Variants in ST8SIA6 observed in about 807,000 individuals in gnomAD.
The protein encoded by ST8SIA6 is alpha-2,8-sialyltransferase 8F.
Under a neutral mutation model 33.6 loss-of-function variants are expected in ST8SIA6, and 39 were observed. The observed-to-expected ratio is 1.16, with a 90% CI of 0.90 to 1.52. The LOEUF is 1.52. Among genes scored for constraint, ST8SIA6 ranks in the 40% most tolerant of loss-of-function variants. The pLI is 0.00. For synonymous variants in ST8SIA6, 172 were observed against 167.2 expected (o/e 1.03, Z -0.22); for missense variants, 441 against 443.8 (o/e 0.99, Z 0.06).
intron 4 of ST8SIA6, among the ~76,000 whole-genome samples, chr10:17,338,131 T>C (rs1374063968): frequency 2.7e-5 from 4 of 149,686 alleles, no homozygotes; most frequent in Non-Finnish European, 5.9e-5. Flanking sequence ...ACCTCCCGGG[T>C]TCAATTGATT....
At chr10:17,326,325 T>C (rs1409626147) in intron 6 of ST8SIA6, among the ~76,000 whole-genome samples, 1 of 152,178 alleles carries the variant, frequency 6.6e-6, no homozygotes, top group African/African-American at 2.4e-5. Context: ...TGCATTTCAA[T>C]TGAAACCCAT....
intron 4 of ST8SIA6, among the ~76,000 whole-genome samples, chr10:17,348,925 G>C (rs1199315157): frequency 1.3e-5 from 2 of 152,086 alleles, no homozygotes; most frequent in African/African-American, 2.4e-5. Context: ...GGCGGGAAGC[G>C]TAACTCTTGG....
At chr10:17,417,878 T>G (rs1306677391) in intron 2 of ST8SIA6, among the ~76,000 whole-genome samples, 1 of 152,102 alleles carries the variant, frequency 6.6e-6, no homozygotes. Context: ...TGGAGAAATC[T>G]GTTGTCAGTC....
intron 7 of ST8SIA6, among the ~76,000 whole-genome samples, chr10:17,322,217 GAAAAGAAAGAAAGA>G (rs1227296794): frequency 7.6e-6 from 1 of 132,044 alleles, no homozygotes; most frequent in Non-Finnish European, 1.6e-5. Flanking sequence ...GAAAGAGAAA[GAAAAGAAAGAAAGA>G]AAAAGAAAGA....
chr10:17,345,616 T>C (rs1169432482), intron 4 of ST8SIA6, among the ~76,000 whole-genome samples: 1 of 152,138 alleles, frequency 6.6e-6, no homozygotes, highest in Non-Finnish European at 1.5e-5. Flanking sequence ...AGAAATCCTG[T>C]GTGGCTTGGC....
intron 2 of ST8SIA6, among the ~76,000 whole-genome samples, chr10:17,412,338 G>C (rs1193832723): frequency 6.6e-6 from 1 of 152,110 alleles, no homozygotes; most frequent in Non-Finnish European, 1.5e-5. Flanking sequence ...CCAATCCCCA[G>C]ACCTGGAGCT....
In ST8SIA6 at chr10:17,315,691, T is replaced by G. The variant is rs941355826; in HGVS notation, c.*5187A>C. On this transcript the variant is annotated 3_prime_UTR_variant, in exon 8 of 8. Transcript: ENST00000377602. ...ATGTAAACAGTCTATAGTGTAAAAA[T>G]GTAAATGTCTATAGAAAAACAGATT... 6.6e-6 allele frequency among the ~76,000 whole-genome samples: 1 copy of G among 151,932 alleles called. No homozygotes were observed. Among genetic ancestry groups the G allele is most frequent in the Admixed American group, 6.6e-5 (1 of 15,234 alleles).
chr10:17,425,322 G>A (rs1391377478), intron 2 of ST8SIA6, among the ~76,000 whole-genome samples: 9 of 151,996 alleles, frequency 5.9e-5, no homozygotes, highest in South Asian at 4.1e-4. Context: ...TAATTCCAGC[G>A]CTCTGGGAGG....
At chr10:17,413,815 T>C (rs1040883344) in intron 2 of ST8SIA6, among the ~76,000 whole-genome samples, 5 of 152,232 alleles carry the variant, frequency 3.3e-5, no homozygotes, top group Admixed American at 3.3e-4. Flanking sequence ...TTACTTTAGT[T>C]ACTGTAAGAC....
chr10:17,327,357 A>G (rs1361238571), intron 5 of ST8SIA6, among the ~76,000 whole-genome samples: 1 of 152,022 alleles, frequency 6.6e-6, no homozygotes, highest in African/African-American at 2.4e-5. Flanking sequence ...GAGGCCAAGG[A>G]GGGTGGATCA....
At chr10:17,406,521 T>C (rs1851265504) in intron 2 of ST8SIA6, among the ~76,000 whole-genome samples, 1 of 152,236 alleles carries the variant, frequency 6.6e-6, no homozygotes, top group South Asian at 2.1e-4. Flanking sequence ...TGCATTAATA[T>C]ACTTGCTTGT....
At chr10:17,434,157 C>G (rs557122486) in intron 2 of ST8SIA6, among the ~76,000 whole-genome samples, 91 of 152,280 alleles carry the variant, frequency 6.0e-4, no homozygotes, top group African/African-American at 2.1e-3. Flanking sequence ...GCTTCCCACT[C>G]TCTAGATGGG....
At chr10:17,427,508 G>C (rs560879206) in intron 2 of ST8SIA6, among the ~76,000 whole-genome samples, 1 of 152,196 alleles carries the variant, frequency 6.6e-6, no homozygotes, top group Admixed American at 6.5e-5. Context: ...TTCAAAGTGC[G>C]CTGCACCATC....
At chr10:17,376,029 G>C (rs1849906881) in intron 3 of ST8SIA6, among the ~76,000 whole-genome samples, 1 of 152,082 alleles carries the variant, frequency 6.6e-6, no homozygotes, top group Non-Finnish European at 1.5e-5. Context: ...ACAAGCAGCT[G>C]CCCAGCCAGA....
At chr10:17,329,315 T>C (rs1232416795) in intron 5 of ST8SIA6, among the ~76,000 whole-genome samples, 2 of 152,220 alleles carry the variant, frequency 1.3e-5, no homozygotes, top group Non-Finnish European at 2.9e-5. Context: ...GTGGCAGAAC[T>C]GGGATAGGAA....
intron 2 of ST8SIA6, among the ~76,000 whole-genome samples, chr10:17,445,439 A>G (rs1245837199): frequency 6.6e-6 from 1 of 152,214 alleles, no homozygotes. Flanking sequence ...CTGAGGAATT[A>G]CCAGCAGCTG....
intron 3 of ST8SIA6, among the ~76,000 whole-genome samples, chr10:17,373,451 C>A (rs189722800): frequency 6.6e-6 from 1 of 152,116 alleles, no homozygotes; most frequent in Non-Finnish European, 1.5e-5. Context: ...ACAGACCCTG[C>A]GAGGCATAAA....
intron 2 of ST8SIA6, among the ~76,000 whole-genome samples, chr10:17,440,237 C>T (rs1481502099): frequency 4.2e-5 from 6 of 143,434 alleles, no homozygotes; most frequent in Non-Finnish European, 7.4e-5. Context: ...GACAGAGTCT[C>T]ACTCTGTCAC....
intron 2 of ST8SIA6, among the ~76,000 whole-genome samples, chr10:17,411,062 G>T (rs1851430282): frequency 6.6e-6 from 1 of 152,132 alleles, no homozygotes; most frequent in Admixed American, 6.5e-5. Flanking sequence ...CCTCAAAAAA[G>T]ATGGAATAAA....
Sources: gnomAD v4.1 joint callset for allele counts (sites outside exome capture counted in the v4.1 genomes callset) on GRCh38, gnomAD v4.1.1 for gene constraint, MANE v1.5 for transcripts, NCBI Gene and HGNC (gene_info 2026-07-23, HGNC 2026-07-21) for gene names.